Variants in RBM6 observed in about 807,000 individuals in gnomAD.
RBM6 encodes the protein RNA-binding protein 6.
RBM6 carries 23 observed loss-of-function variants against 140.4 expected under a neutral mutation model. That is an observed-to-expected ratio of 0.16 (90% confidence interval 0.12 to 0.23). The LOEUF (loss-of-function observed/expected upper bound fraction) is 0.23. Ranked by LOEUF, RBM6 falls within the 10% of genes least tolerant of loss-of-function variation. The pLI is 1.00. For missense variants in RBM6, 1,139 were observed against 1,386.7 expected (o/e 0.82, Z 2.84); for synonymous variants, 439 against 475.6 (o/e 0.92, Z 1.00).
At chr3:50,047,992 G>A (rs1379623860) in intron 6 of RBM6, among the ~76,000 whole-genome samples, 1 of 152,154 alleles carries the variant, frequency 6.6e-6, no homozygotes, top group Non-Finnish European at 1.5e-5. Context: ...CCCAAGGACA[G>A]CACCCTAACC....
At chr3:50,066,789 C>T (rs1394420971) in intron 17 of RBM6, among the ~76,000 whole-genome samples, 2 of 151,954 alleles carry the variant, frequency 1.3e-5, no homozygotes, top group South Asian at 4.2e-4. Flanking sequence ...GATCGTGCCA[C>T]TGCACTCCAG....
chr3:50,021,760 TTTTTTTTTTTG>T (rs2087498932), intron 6 of RBM6, among the ~76,000 whole-genome samples: 1 of 130,102 alleles, frequency 7.7e-6, no homozygotes, highest in Non-Finnish European at 1.6e-5. Context: ...TTTTTTTTTT[TTTTTTTTTTTG>T]AGACAGAGTC....
intron 5 of RBM6, among the ~76,000 whole-genome samples, chr3:49,980,269 T>A (rs1331321563): frequency 1.3e-5 from 2 of 151,836 alleles, no homozygotes; most frequent in African/African-American, 4.8e-5. Flanking sequence ...CCTCCCAAAG[T>A]GCTGGAATTA....
At chr3:50,047,737 C>T (rs981914120) in intron 6 of RBM6, among the ~76,000 whole-genome samples, 1 of 152,178 alleles carries the variant, frequency 6.6e-6, no homozygotes, top group East Asian at 1.9e-4. Context: ...ATGTCTTTGT[C>T]CTGGTGCTTT....
chr3:50,075,118 T>C, intron 19 of RBM6, 83 bp from the exon 20 acceptor site: 1 of 1,507,444 alleles, frequency 6.6e-7, no homozygotes, highest in South Asian at 1.3e-5. Flanking sequence ...TTCGAGCCAT[T>C]GCACTCCAGC....
chr3:49,948,717 G>C lies in RBM6; in HGVS notation c.-67+8492G>C, dbSNP rs998155029. ...CAGAGTGAGACTCTGTCTCAAAAAA[G>C]AAAAAAAAAAAAAAGAATTGCTTGA... On this transcript the variant is annotated intron_variant, in intron 1 of 20. Coordinates refer to ENST00000266022, the MANE Select transcript of RBM6 (RefSeq NM_005777.3). 4.4e-4 allele frequency among the ~76,000 whole-genome samples: 48 copies of C among 108,366 alleles called. 2 individuals are homozygous for C. In the East Asian group the frequency reaches 7.8e-3, roughly 18 times the overall value. 71.1% of individuals were successfully genotyped at this position (108,366 alleles called of 152,430 possible).
intron 6 of RBM6, among the ~76,000 whole-genome samples, chr3:50,022,035 C>T (rs909700253): frequency 6.6e-6 from 1 of 151,720 alleles, no homozygotes; most frequent in Non-Finnish European, 1.5e-5. Flanking sequence ...GCCTGGGTGA[C>T]AGAGTGAGCC....
chr3:49,999,790 T>C (rs905641622), intron 6 of RBM6, among the ~76,000 whole-genome samples: 1 of 150,352 alleles, frequency 6.7e-6, no homozygotes, highest in Non-Finnish European at 1.5e-5. Flanking sequence ...AAAAGACACA[T>C]CTGGAGTGTT....
intron 9 of RBM6, 147 bp from the exon 10 acceptor site, chr3:50,058,255 T>C: frequency 2.0e-6 from 2 of 988,744 alleles, no homozygotes; most frequent in Non-Finnish European, 3.0e-6. Flanking sequence ...AAGAAAAGTA[T>C]GCAGTATTTA....
intron 6 of RBM6, among the ~76,000 whole-genome samples, chr3:50,018,108 CAT>C (rs1440604397): frequency 8.5e-5 from 13 of 152,332 alleles, no homozygotes; most frequent in Admixed American, 3.9e-4. Context: ...AAATGTATGT[CAT>C]ATATCCACCA....
At chr3:50,074,076 G>A (rs773450806) in intron 19 of RBM6, among the ~76,000 whole-genome samples, 6 of 152,010 alleles carry the variant, frequency 3.9e-5, no homozygotes, top group African/African-American at 9.7e-5. Flanking sequence ...TGATCCACCC[G>A]CCTTGGCCTC....
chr3:50,021,168 G>A (rs1575715701), intron 6 of RBM6, among the ~76,000 whole-genome samples: 2 of 152,136 alleles, frequency 1.3e-5, no homozygotes, highest in East Asian at 1.9e-4. Context: ...GCTGTTGCTG[G>A]ATGAAATAGT....
At chr3:50,070,662 G>C (rs1226032140) in intron 19 of RBM6, 110 bp downstream of exon 19, 2 of 774,706 alleles carry the variant, frequency 2.6e-6, no homozygotes, top group Admixed American at 2.3e-5. Context: ...ATTATGAGTA[G>C]ATTCTGTCTG....
intron 5 of RBM6, among the ~76,000 whole-genome samples, chr3:49,981,285 T>G (rs761817220): frequency 1.3e-5 from 2 of 152,200 alleles, no homozygotes; most frequent in Non-Finnish European, 2.9e-5. Flanking sequence ...TATAGAGCAG[T>G]GGTTCTCAGA....
chr3:50,031,415 A>C (rs1396898131), intron 6 of RBM6, among the ~76,000 whole-genome samples: 3 of 152,226 alleles, frequency 2.0e-5, no homozygotes, highest in Non-Finnish European at 4.4e-5. Context: ...AAAAAGGATG[A>C]GTTCATGTCC....
intron 6 of RBM6, among the ~76,000 whole-genome samples, chr3:50,046,435 C>A (rs2089227010): frequency 6.6e-6 from 1 of 151,404 alleles, no homozygotes; most frequent in African/African-American, 2.4e-5. Flanking sequence ...CAAAATTAGC[C>A]AAGCGTGGTG....
At position 50,061,151 on chromosome 3, in the gene RBM6, T is replaced by C; in HGVS notation, c.2283T>C (p.Tyr761=). The C allele has an allele frequency of 6.2e-7, 1 of 1,614,202 alleles. No individual in the cohort carries two copies. The highest frequency in any genetic ancestry group is 8.5e-7 in the Non-Finnish European group (1 of 1,180,028). Residue 761 remains tyrosine (Y), a synonymous_variant, in exon 13 of 21, where the codon TAT becomes TAC. Coordinates refer to ENST00000266022, the MANE Select transcript of RBM6 (RefSeq NM_005777.3). ...CCTTTCTGTGATAGGGTAAAAAATA[T>C]TTCCGAGATAGGAGGGGAGGTGGCA... ...DHMHYYQGKK[Y]FRDRRGGGRN...
At chr3:49,987,638 T>C (rs1239520022) in intron 5 of RBM6, among the ~76,000 whole-genome samples, 3 of 151,702 alleles carry the variant, frequency 2.0e-5, no homozygotes, top group Admixed American at 2.0e-4. Flanking sequence ...TTTCTTTCTT[T>C]CTTTTTTCTT....
intron 5 of RBM6, among the ~76,000 whole-genome samples, chr3:49,987,090 T>G (rs549636531): frequency 1.8e-4 from 28 of 151,998 alleles, no homozygotes; most frequent in East Asian, 3.9e-4. Flanking sequence ...TATTTTTTTT[T>G]GGGACAGAGT....
Sources: gnomAD v4.1 joint callset for allele counts (sites outside exome capture counted in the v4.1 genomes callset) on GRCh38, gnomAD v4.1.1 for gene constraint, MANE v1.5 for transcripts, NCBI Gene and HGNC (gene_info 2026-07-23, HGNC 2026-07-21) for gene names.